The following EXOC4 variants were observed in gnomAD, a reference collection of about 807,000 sequenced individuals.
The protein encoded by EXOC4 is SEC8-like 1.
EXOC4 carries 71 observed loss-of-function variants against 107.2 expected under a neutral mutation model. The ratio of observed to expected loss-of-function variants is 0.66; its 90% CI spans 0.55 to 0.81. The LOEUF (loss-of-function observed/expected upper bound fraction) is 0.81, where lower values mean the gene tolerates loss of function less well. Among genes scored for constraint, EXOC4 ranks in the 30% least tolerant of loss-of-function variants. The pLI is 0.00. For missense variants in EXOC4, 1,108 were observed against 1,189.6 expected (o/e 0.93, Z 1.01); for synonymous variants, 456 against 441.2 (o/e 1.03, Z -0.42).
intron 7 of EXOC4, among the ~76,000 whole-genome samples, chr7:133,447,560 T>C (rs934768913): frequency 2.0e-5 from 3 of 152,030 alleles, no homozygotes; most frequent in Admixed American, 1.3e-4. Flanking sequence ...AATTATAAAA[T>C]TTTCAACATA....
At chr7:133,860,235 T>C (rs1310434035) in intron 11 of EXOC4, among the ~76,000 whole-genome samples, 2 of 152,208 alleles carry the variant, frequency 1.3e-5, no homozygotes, top group East Asian at 1.9e-4. Flanking sequence ...GAATCTGAAA[T>C]GTGCCTCAGA....
chr7:134,081,964 C>G, the EXOC4 span, among the ~76,000 whole-genome samples: 1 of 152,202 alleles, frequency 6.6e-6, no homozygotes, highest in Non-Finnish European at 1.5e-5. Flanking sequence ...TGTTCCAGAC[C>G]CTACACCAAG....
At chr7:133,547,368 T>A (rs1800502047) in intron 9 of EXOC4, among the ~76,000 whole-genome samples, 2 of 152,204 alleles carry the variant, frequency 1.3e-5, no homozygotes, top group Admixed American at 1.3e-4. Flanking sequence ...GTGGCGGGTC[T>A]TGCCTTGATG....
chr7:134,095,188 A>G, the EXOC4 span, among the ~76,000 whole-genome samples: 33 of 152,274 alleles, frequency 2.2e-4, no homozygotes, highest in East Asian at 4.0e-3. Flanking sequence ...CCAAATCAGA[A>G]CACAATCCCA....
chr7:133,698,608 A>G (rs1005418405), intron 10 of EXOC4, among the ~76,000 whole-genome samples: 6 of 152,114 alleles, frequency 3.9e-5, no homozygotes, highest in African/African-American at 1.4e-4. Context: ...TGCGATGCAT[A>G]TAGATATACA....
chr7:133,390,606 C>G (rs1230999986), intron 7 of EXOC4, among the ~76,000 whole-genome samples: 1 of 152,078 alleles, frequency 6.6e-6, no homozygotes. Flanking sequence ...CTTCAGAAGC[C>G]CAGCCTGACC....
At chr7:133,812,838 C>A (rs899910872) in intron 10 of EXOC4, among the ~76,000 whole-genome samples, 1 of 152,066 alleles carries the variant, frequency 6.6e-6, no homozygotes, top group African/African-American at 2.4e-5. Flanking sequence ...ATCTCTTGAT[C>A]TCTTGAATTT....
intron 3 of EXOC4, among the ~76,000 whole-genome samples, chr7:133,295,984 G>A (rs1207177206): frequency 6.6e-6 from 1 of 152,054 alleles, no homozygotes; most frequent in South Asian, 2.1e-4. Flanking sequence ...CCAGTATTCC[G>A]TATGGATTTT....
intron 11 of EXOC4, among the ~76,000 whole-genome samples, chr7:133,848,973 C>A (rs913608844): frequency 1.3e-5 from 2 of 152,078 alleles, no homozygotes; most frequent in South Asian, 2.1e-4. Flanking sequence ...CCTTCTTAAT[C>A]AAAAATACCG....
At chr7:133,838,085 G>T (rs748608499) in intron 11 of EXOC4, among the ~76,000 whole-genome samples, 1 of 152,120 alleles carries the variant, frequency 6.6e-6, no homozygotes, top group Non-Finnish European at 1.5e-5. Context: ...TAACCCATTT[G>T]CCTTATTGGA....
At chr7:133,529,283 A>T (rs1169819754) in intron 9 of EXOC4, among the ~76,000 whole-genome samples, 1 of 152,126 alleles carries the variant, frequency 6.6e-6, no homozygotes, top group Non-Finnish European at 1.5e-5. Flanking sequence ...TAATTAGTAC[A>T]TATCACTTGG....
chr7:133,363,658 A>G (rs1768858406), intron 6 of EXOC4, among the ~76,000 whole-genome samples: 1 of 151,162 alleles, frequency 6.6e-6, no homozygotes, highest in Non-Finnish European at 1.5e-5. Flanking sequence ...TGTTTTACAT[A>G]TTATAGTAGG....
At chr7:133,595,106 G>C (rs1228768214) in intron 9 of EXOC4, among the ~76,000 whole-genome samples, 2 of 151,860 alleles carry the variant, frequency 1.3e-5, no homozygotes, top group Admixed American at 6.6e-5. Context: ...GTAGGTAATG[G>C]GGAGAGTAGG....
intron 9 of EXOC4, among the ~76,000 whole-genome samples, chr7:133,494,058 G>T (rs1799426671): frequency 2.6e-5 from 4 of 152,176 alleles, no homozygotes; most frequent in Admixed American, 2.0e-4. Flanking sequence ...ATTGTTTTAT[G>T]TACATTATTG....
rs761346387 is a variant in EXOC4, at chr7:133,895,736, G to A, written c.1871+1G>A. The A allele has an allele frequency of 6.2e-7, 1 of 1,613,342 alleles. No individual in the cohort carries two copies. The highest frequency in any genetic ancestry group is 8.5e-7 in the Non-Finnish European group (1 of 1,179,644). ...AGGACACCTGCACTGCAGCTTACAG[G>A]TAGAGCTTCTGTTAGGGGCTAAGCA... On this transcript the variant is annotated splice_donor_variant, in intron 12 of 17. Coordinates refer to ENST00000253861, the MANE Select transcript of EXOC4 (RefSeq NM_021807.4). LOFTEE classifies it high-confidence loss of function.
At chr7:134,056,852 A>G (rs1167861493) in intron 17 of EXOC4, among the ~76,000 whole-genome samples, 1 of 152,192 alleles carries the variant, frequency 6.6e-6, no homozygotes, top group African/African-American at 2.4e-5. Flanking sequence ...AACTGAGCCA[A>G]GGAGTGTGTC....
intron 10 of EXOC4, among the ~76,000 whole-genome samples, chr7:133,668,068 T>G (rs1793857625): frequency 6.6e-6 from 1 of 152,194 alleles, no homozygotes; most frequent in Non-Finnish European, 1.5e-5. Flanking sequence ...TCCTTCATGC[T>G]CTACAGACAA....
chr7:133,327,241 C>A lies in EXOC4; in HGVS notation c.763+9851C>A, dbSNP rs188168235. Among the ~76,000 whole-genome samples the A allele has an allele frequency of 3.8e-3, 585 of 152,314 alleles. 4 individuals are homozygous for A. Among genetic ancestry groups the A allele is most frequent in the African/African-American group, 0.013 (561 of 41,570 alleles). On this transcript the variant is annotated intron_variant, in intron 5 of 17. Transcript: ENST00000253861. Reference sequence around the variant, plus strand: ...CCTGCCCCCACTGTCCGACAAGCCCCAGTGAGATGAACCCAGTACCTCAGT... The same window carrying A: ...CCTGCCCCCACTGTCCGACAAGCCCAAGTGAGATGAACCCAGTACCTCAGT...
At chr7:133,697,925 T>C (rs1055393097) in intron 10 of EXOC4, among the ~76,000 whole-genome samples, 3 of 152,176 alleles carry the variant, frequency 2.0e-5, no homozygotes, top group African/African-American at 7.2e-5. Flanking sequence ...GGAAACCCAA[T>C]GTCTGCTTAC....
Sources: gnomAD v4.1 joint callset for allele counts (sites outside exome capture counted in the v4.1 genomes callset) on GRCh38, gnomAD v4.1.1 for gene constraint, MANE v1.5 for transcripts, NCBI Gene and HGNC (gene_info 2026-07-23, HGNC 2026-07-21) for gene names.